The following RPTOR variants were observed in gnomAD, a reference collection of about 807,000 sequenced individuals.
The protein encoded by RPTOR is regulatory-associated protein of mTOR.
Under a neutral mutation model 169.9 loss-of-function variants are expected in RPTOR, and 21 were observed. The ratio of observed to expected loss-of-function variants is 0.12; its 90% confidence interval spans 0.09 to 0.18. The LOEUF is 0.18. Ranked by LOEUF, RPTOR falls within the 10% of genes least tolerant of loss-of-function variation. RPTOR has a pLI of 1.00. For missense variants in RPTOR, 1,133 were observed against 1,855.9 expected, an observed-to-expected ratio of 0.61 and a Z score of 7.16; for synonymous variants, 732 against 753.2, an observed-to-expected ratio of 0.97 and a Z score of 0.46.
intron 7 of RPTOR, 121 bp from the exon 8 acceptor site, chr17:80,822,080 A>G (rs972329023): frequency 1.3e-5 from 11 of 853,474 alleles, no homozygotes; most frequent in Non-Finnish European, 2.2e-5. Flanking sequence ...GCTTCTGCTC[A>G]GAGCCTTCCT....
chr17:80,941,079 G>T (rs2069020380), intron 25 of RPTOR: 1 of 157,464 alleles, frequency 6.4e-6, no homozygotes, highest in Admixed American at 6.2e-5. Context: ...AAGTGAAAAT[G>T]CCAGGCCCTG....
At chr17:80,686,242 G>A (rs2873061) in intron 3 of RPTOR, among the ~76,000 whole-genome samples, 44,106 of 149,372 alleles carry the variant, frequency 0.3, 7,852 homozygotes, top group Admixed American at 0.46. Flanking sequence ...GCTGGAGTGC[G>A]GTGGCACGAT....
At chr17:80,725,356 T>G (rs2066322895) in intron 4 of RPTOR, among the ~76,000 whole-genome samples, 1 of 152,254 alleles carries the variant, frequency 6.6e-6, no homozygotes, top group African/African-American at 2.4e-5. Flanking sequence ...TTCTATTTCT[T>G]TGTTTGAAAA....
rs143412094 is a variant in RPTOR, at chr17:80,626,776, A to AATTATTATTATTATT, written c.265+1005_265+1019dup. Among the ~76,000 whole-genome samples the AATTATTATTATTATT allele has an allele frequency of 5.7e-4, 81 of 141,020 alleles. 2 individuals are homozygous for AATTATTATTATTATT. The highest frequency in any genetic ancestry group is 5.7e-4 in the Non-Finnish European group (38 of 66,090). 92.5% of individuals were successfully genotyped at this position (141,020 alleles called of 152,430 possible). ...AGACAACACAAAATACCATTCTAGG[A>AATTATTATTATTATT]ATTATTATTATTATTATTATTATTA... is the stretch of plus-strand genomic sequence containing the variant. On this transcript the variant is annotated intron_variant, in intron 2 of 33. Transcript: ENST00000306801.
intron 24 of RPTOR, among the ~76,000 whole-genome samples, chr17:80,927,612 GTC>G (rs10533862): frequency 0.63 from 94,739 of 149,990 alleles, 29,928 homozygotes; most frequent in East Asian, 0.69. Context: ...GTGTGTGTCT[GTC>G]TGTCTGTCTG....
chr17:80,846,690 C>T, intron 11 of RPTOR, 116 bp downstream of exon 11: 2 of 799,772 alleles, frequency 2.5e-6, no homozygotes, highest in Non-Finnish European at 4.1e-6. Context: ...TGTGACATCC[C>T]AGCCCCTCTG....
chr17:80,602,674 G>A (rs528574660), intron 1 of RPTOR: 3 of 711,776 alleles, frequency 4.2e-6, no homozygotes, highest in East Asian at 2.6e-5. Context: ...AACCACGCAC[G>A]GATGCGGTAG....
At chr17:80,600,437 A>G (rs762227024) in intron 1 of RPTOR, among the ~76,000 whole-genome samples, 4 of 152,166 alleles carry the variant, frequency 2.6e-5, no homozygotes, top group Admixed American at 1.3e-4. Flanking sequence ...TTCATGGAAA[A>G]TGAAGTATAT....
chr17:80,903,796 T>C (rs1429733789), intron 20 of RPTOR, among the ~76,000 whole-genome samples: 1 of 152,118 alleles, frequency 6.6e-6, no homozygotes, highest in Non-Finnish European at 1.5e-5. Flanking sequence ...AGGTATTGGT[T>C]TCTGCCTTTG....
chr17:80,613,462 ATC>A (rs1408732153), intron 1 of RPTOR, among the ~76,000 whole-genome samples: 1 of 152,258 alleles, frequency 6.6e-6, no homozygotes, highest in Non-Finnish European at 1.5e-5. Context: ...AACATTCAGA[ATC>A]TCTGTCTCTT....
At position 80,965,601 on chromosome 17, in the gene RPTOR, G is replaced by A. The variant is rs116291664; in HGVS notation, c.*1271G>A. 0.02 allele frequency: 4,635 copies of A among 233,384 alleles called. 159 individuals carry two copies. The highest frequency in any genetic ancestry group is 0.077 in the African/African-American group (3,481 of 45,484). The allele number at this position is 233,384 out of a possible 1,614,324, so 14.5% of individuals were successfully genotyped here. ...AGGAGCCAGGTGGCTTCATTCTGGC[G>A]GTGAGAGGCCCACGACCACGGGAGT... On this transcript the variant is annotated 3_prime_UTR_variant, in exon 34 of 34. Coordinates refer to ENST00000306801, the MANE Select transcript of RPTOR (RefSeq NM_020761.3).
intron 12 of RPTOR, among the ~76,000 whole-genome samples, chr17:80,856,322 A>C (rs982016169): frequency 1.1e-4 from 16 of 152,248 alleles, no homozygotes; most frequent in Non-Finnish European, 2.1e-4. Flanking sequence ...TTTTTTAGAG[A>C]TAGACACTGA....
chr17:80,650,108 T>C (rs2065628393), intron 3 of RPTOR, among the ~76,000 whole-genome samples: 2 of 152,214 alleles, frequency 1.3e-5, no homozygotes, highest in Non-Finnish European at 2.9e-5. Context: ...GAAAGAAGAA[T>C]GAAAGAAAGG....
At chr17:80,896,426 CGCCAACACCCCACGGCCAT>C (rs938313085) in intron 20 of RPTOR, among the ~76,000 whole-genome samples, 4 of 80,306 alleles carry the variant, frequency 5.0e-5, no homozygotes, top group African/African-American at 1.6e-4. Context: ...CACACGGCCT[CGCCAACACCCCACGGCCAT>C]GCCGACACCC....
intron 1 of RPTOR, among the ~76,000 whole-genome samples, chr17:80,588,562 C>T (rs1258125388): frequency 3.9e-5 from 6 of 152,162 alleles, no homozygotes; most frequent in Admixed American, 3.9e-4. Flanking sequence ...CTTGAACATG[C>T]CGATTTCAAT....
Position 80,711,133 on chromosome 17 carries a change from C to A in RPTOR, c.507+3134C>A, listed in dbSNP as rs183452427. ...TGTTGACATAAACTGGCTCACAATA[C>A]CCCTTTAGAAACTCACCAGTATCGG... On this transcript the variant is annotated intron_variant, in intron 4 of 33. Transcript: ENST00000306801. Among the ~76,000 whole-genome samples, 3 of 152,290 alleles carry A rather than the reference C, an allele frequency of 2.0e-5. No homozygotes were observed. The East Asian group carries it at 5.8e-4, about 29-fold the overall frequency.
intron 7 of RPTOR, among the ~76,000 whole-genome samples, chr17:80,807,230 A>G (rs1335326469): frequency 6.6e-6 from 1 of 152,222 alleles, no homozygotes; most frequent in Non-Finnish European, 1.5e-5. Flanking sequence ...GGTTTTAATT[A>G]AAGTATTTAG....
At chr17:80,856,059 C>T (rs1026452797) in intron 12 of RPTOR, among the ~76,000 whole-genome samples, 6 of 152,122 alleles carry the variant, frequency 3.9e-5, no homozygotes, top group South Asian at 2.1e-4. Context: ...CAAGAAGCGA[C>T]GTGCGTTTAA....
At chr17:80,789,158 T>A (rs2143486130) in intron 6 of RPTOR, among the ~76,000 whole-genome samples, 1 of 152,372 alleles carries the variant, frequency 6.6e-6, no homozygotes, top group East Asian at 1.9e-4. Context: ...AATGTGTAAG[T>A]CTCTGTGTAC....
Sources: allele counts gnomAD v4.1 joint callset (sites outside exome capture counted in the v4.1 genomes callset), GRCh38; gene constraint gnomAD v4.1.1; transcripts MANE v1.5; gene names NCBI Gene and HGNC (gene_info 2026-07-23, HGNC 2026-07-21).